Variants in LRRC53 observed in about 807,000 individuals in gnomAD.
LRRC53 encodes the protein leucine rich repeat containing 53.
LRRC53 carries 25 observed loss-of-function variants against 13.6 expected under a neutral mutation model. That is an observed-to-expected ratio of 1.83 (90% CI 1.34 to 2.56). LRRC53 has a LOEUF of 2.56. Among genes scored for constraint, LRRC53 ranks in the 30% most tolerant of loss-of-function variants. The pLI is 0.00. For synonymous variants in LRRC53, 204 were observed against 109.8 expected (o/e 1.86, Z -5.37); for missense variants, 527 against 275.8 (o/e 1.91, Z -6.45).
At chr1:74,533,334 G>A in the LRRC53 span, among the ~76,000 whole-genome samples, 1 of 152,202 alleles carries the variant, frequency 6.6e-6, no homozygotes, top group Non-Finnish European at 1.5e-5. Context: ...CTGGCCATCA[G>A]AGAAATGCAA....
chr1:74,481,213 A>G (rs1347896818), intron 2 of LRRC53, among the ~76,000 whole-genome samples: 1 of 152,196 alleles, frequency 6.6e-6, no homozygotes, highest in African/African-American at 2.4e-5. Context: ...ACATAAACCC[A>G]TCTGTTACTT....
At chr1:74,532,369 A>G in the LRRC53 span, among the ~76,000 whole-genome samples, 1 of 152,218 alleles carries the variant, frequency 6.6e-6, no homozygotes, top group Non-Finnish European at 1.5e-5. Flanking sequence ...CAAATAATCC[A>G]AAACCCTTTA....
the LRRC53 span, among the ~76,000 whole-genome samples, chr1:74,528,428 G>T: frequency 6.6e-6 from 1 of 152,130 alleles, no homozygotes; most frequent in African/African-American, 2.4e-5. Context: ...GAGTGAGGAA[G>T]CCTTCTGCAT....
At chr1:74,484,894 G>A (rs1668673675) in intron 1 of LRRC53, among the ~76,000 whole-genome samples, 1 of 152,156 alleles carries the variant, frequency 6.6e-6, no homozygotes, top group Admixed American at 6.5e-5. Context: ...TTTTAGATAA[G>A]CAAAGAACAT....
the LRRC53 span, among the ~76,000 whole-genome samples, chr1:74,529,860 C>A: frequency 6.6e-6 from 1 of 152,154 alleles, no homozygotes; most frequent in East Asian, 1.9e-4. Flanking sequence ...TGGATGACCC[C>A]ACCCCTTGTG....
chr1:74,526,675 T>G, the LRRC53 span, among the ~76,000 whole-genome samples: 1 of 152,234 alleles, frequency 6.6e-6, no homozygotes, highest in Non-Finnish European at 1.5e-5. Context: ...CTCATGCATT[T>G]TAGTCTTTAA....
At chr1:74,501,873 G>T (rs535036796) in intron 1 of LRRC53, among the ~76,000 whole-genome samples, 1 of 151,568 alleles carries the variant, frequency 6.6e-6, no homozygotes, top group East Asian at 1.9e-4. Flanking sequence ...ACTTCTGAGG[G>T]TTATATATAT....
chr1:74,488,895 G>C (rs893841085), intron 1 of LRRC53, among the ~76,000 whole-genome samples: 6 of 152,132 alleles, frequency 3.9e-5, no homozygotes, highest in African/African-American at 1.4e-4. Flanking sequence ...TCATTTTGAA[G>C]AGGAAACCTG....
chr1:74,483,303 G>A lies in LRRC53; in HGVS notation c.47C>T (p.Thr16Ile). Residue 16 changes from threonine (T) to isoleucine (I), a missense_variant, in exon 2 of 5, where the codon ACC becomes ATC. Transcript: ENST00000294635. ...CTGGTGACAGAGGGTTACATCTTTG[G>A]TGCACACCACACATGACTCAGGGCA... ...AACPESCVVC[T>I]KDVTLCHQLT... The A allele has an allele frequency of 1.4e-6, 1 of 717,440 alleles. No individual in the cohort carries two copies. The allele number at this position is 717,440 out of a possible 1,614,324, so 44.4% of individuals were successfully genotyped here. A position where few individuals can be genotyped will look rare whatever the true frequency, so the allele number is the denominator to read the frequency against.
chr1:74,522,118 T>C, the LRRC53 span, among the ~76,000 whole-genome samples: 1 of 152,114 alleles, frequency 6.6e-6, no homozygotes, highest in African/African-American at 2.4e-5. Flanking sequence ...GATTGTTCTT[T>C]TTAAAAAAAA....
chr1:74,490,463 G>A (rs1178670098), intron 1 of LRRC53, among the ~76,000 whole-genome samples: 2 of 152,128 alleles, frequency 1.3e-5, no homozygotes, highest in Non-Finnish European at 2.9e-5. Flanking sequence ...CAGAAAAAAG[G>A]AATCCACCAT....
chr1:74,489,433 C>T (rs1668934445), intron 1 of LRRC53, among the ~76,000 whole-genome samples: 1 of 152,160 alleles, frequency 6.6e-6, no homozygotes. Flanking sequence ...GGGACAAAGG[C>T]AAAGTCAGAG....
intron 1 of LRRC53, among the ~76,000 whole-genome samples, chr1:74,502,596 G>A (rs1408805991): frequency 2.0e-5 from 3 of 152,252 alleles, no homozygotes; most frequent in East Asian, 3.9e-4. Flanking sequence ...GAATCAGCAG[G>A]GAGCTATCCA....
At chr1:74,493,716 G>A (rs1032513879) in intron 1 of LRRC53, among the ~76,000 whole-genome samples, 2 of 152,082 alleles carry the variant, frequency 1.3e-5, no homozygotes, top group African/African-American at 4.8e-5. Flanking sequence ...AACCTCCTTG[G>A]ACACCCACAT....
At chr1:74,530,709 C>T in the LRRC53 span, among the ~76,000 whole-genome samples, 2 of 141,180 alleles carry the variant, frequency 1.4e-5, no homozygotes, top group Non-Finnish European at 1.5e-5. Context: ...GTCATGCTAC[C>T]AAGAACTCAA....
chr1:74,500,043 C>A (rs1218377695), intron 1 of LRRC53, among the ~76,000 whole-genome samples: 1 of 151,638 alleles, frequency 6.6e-6, no homozygotes, highest in African/African-American at 2.4e-5. Flanking sequence ...ACCCCAGAAG[C>A]TTTAATATAT....
At chr1:74,532,111 T>A in the LRRC53 span, among the ~76,000 whole-genome samples, 76,612 of 151,910 alleles carry the variant, frequency 0.5, 20,306 homozygotes, top group East Asian at 0.73. Flanking sequence ...GATGAATCCA[T>A]GCATGCAGCT....
upstream of LRRC53, among the ~76,000 whole-genome samples, chr1:74,517,294 T>C (rs1481412510): frequency 1.3e-5 from 2 of 152,202 alleles, no homozygotes; most frequent in Non-Finnish European, 2.9e-5. Context: ...CAATGCCTCA[T>C]TAACGTTCAT....
At chr1:74,475,204 G>A in intron 4 of LRRC53, 91 bp downstream of exon 4, 1 of 593,796 alleles carries the variant, frequency 1.7e-6, no homozygotes, top group Non-Finnish European at 3.0e-6. Flanking sequence ...GATTTTTATA[G>A]TATTTCCTGT....
Sources: gnomAD v4.1 joint callset for allele counts (sites outside exome capture counted in the v4.1 genomes callset) on GRCh38, gnomAD v4.1.1 for gene constraint, MANE v1.5 for transcripts, NCBI Gene and HGNC (gene_info 2026-07-23, HGNC 2026-07-21) for gene names.